Variants in SHMT1 observed in about 807,000 individuals in gnomAD.
SHMT1 encodes the protein serine hydroxymethyltransferase, cytosolic.
A neutral mutation model predicts 49.0 loss-of-function variants in SHMT1; 45 were observed. The ratio of observed to expected loss-of-function variants is 0.92; its 90% CI spans 0.72 to 1.18. The LOEUF is 1.18. Among genes scored for constraint, SHMT1 ranks in the 50% most tolerant of loss-of-function variants. The probability of loss-of-function intolerance (pLI) is 0.00; values close to 1 mark genes in which losing one functional copy is unlikely to be tolerated. For missense variants in SHMT1, 541 were observed against 612.4 expected (o/e 0.88, Z 1.23); for synonymous variants, 232 against 246.6 (o/e 0.94, Z 0.55).
intron 2 of SHMT1, among the ~76,000 whole-genome samples, chr17:18,354,184 G>A (rs186807809): frequency 2.9e-4 from 44 of 152,310 alleles, no homozygotes; most frequent in East Asian, 1.2e-3. Context: ...TTGGGAGGCC[G>A]AGATGGGCAG....
At chr17:18,356,268 T>C (rs1413940694) in intron 1 of SHMT1, among the ~76,000 whole-genome samples, 1 of 152,054 alleles carries the variant, frequency 6.6e-6, no homozygotes, top group African/African-American at 2.4e-5. Flanking sequence ...GGTCTCAATC[T>C]CCTGACCTTG....
chr17:18,355,504 C>A (rs1986158657), intron 2 of SHMT1, among the ~76,000 whole-genome samples: 2 of 152,026 alleles, frequency 1.3e-5, no homozygotes, highest in Admixed American at 1.3e-4. Flanking sequence ...CACGCCATTG[C>A]ACTCCAGCCT....
chr17:18,331,113 TC>T, intron 9 of SHMT1: 1 of 314,194 alleles, frequency 3.2e-6, no homozygotes, highest in South Asian at 2.9e-5. Context: ...GGTAGGTTTT[TC>T]CCGGATCCTG....
At position 18,353,745 on chromosome 17, in the gene SHMT1, C is replaced by T. The variant is rs763679038; in HGVS notation, c.169G>A (p.Ala57Thr). The change falls in exon 3 of 12, where the codon GCC becomes ACC. Residue 57 changes from alanine to threonine, a missense_variant. Ala to Thr is a moderately conservative substitution (Grantham distance 58). Transcript: ENST00000316694. ...AGGGCCTCCAAAACTGCTCGGCTGG[C>T]GAAATTCTCCGAGGCAATCAGCTCC... ...GLELIASENF[A>T]SRAVLEALGS... 61 of 1,613,948 alleles carry T rather than the reference C, an allele frequency of 3.8e-5. No individual in the cohort carries two copies. Among genetic ancestry groups the T allele is most frequent in the Non-Finnish European group, 4.7e-5 (56 of 1,179,998 alleles).
rs763605955 is a variant in SHMT1 at position 18,332,982 on chromosome 17, G to A, written c.1054+184C>T. 10 of 722,214 alleles carry A rather than the reference G, an allele frequency of 1.4e-5. No homozygotes were observed. The East Asian group carries it at 1.9e-4, about 14-fold the overall frequency. The allele number at this position is 722,214 out of a possible 1,614,324, so 44.7% of individuals were successfully genotyped here. ...TCATCTGTGGCTCACCCAAGGGGGCGGCTGGCTGGTCTGAGGCAGGGGGAG... is the reference window on the plus strand; with the variant it reads ...TCATCTGTGGCTCACCCAAGGGGGCAGCTGGCTGGTCTGAGGCAGGGGGAG... On this transcript the variant is annotated intron_variant, in intron 9 of 11. Coordinates refer to ENST00000316694, the MANE Select transcript of SHMT1 (RefSeq NM_004169.5).
At chr17:18,348,989 GA>G (rs137955656) in intron 3 of SHMT1, among the ~76,000 whole-genome samples, 3 of 142,932 alleles carry the variant, frequency 2.1e-5, no homozygotes, top group East Asian at 2.1e-4. Flanking sequence ...AAAAGAAAAA[GA>G]AAAAAAAAAG....
chr17:18,340,688 C>A lies in SHMT1; in HGVS notation c.601+44G>T, dbSNP rs550904983. ...TTCCATCCTCATTCTGTAAGAGGCA[C>A]CAGGCTACTGGTGAACAAGGTGACT... On this transcript the variant is annotated intron_variant, in intron 6 of 11. Transcript: ENST00000316694. This position sits in a 1 kb window ranked among gnomAD's most constrained non-coding sequence, Gnocchi z 4.5. The A allele has an allele frequency of 1.3e-6, 2 of 1,543,742 alleles. No individual in the cohort carries two copies. The highest frequency in any genetic ancestry group is 1.8e-6 in the Non-Finnish European group (2 of 1,127,730).
intron 7 of SHMT1, among the ~76,000 whole-genome samples, chr17:18,339,421 C>T (rs541328524): frequency 1.2e-4 from 19 of 152,316 alleles, no homozygotes; most frequent in Non-Finnish European, 2.6e-4. Flanking sequence ...CATTCAAACA[C>T]CTGCCTCTCG....
chr17:18,342,475 C>T (rs758299967), intron 5 of SHMT1, among the ~76,000 whole-genome samples: 3 of 152,022 alleles, frequency 2.0e-5, no homozygotes, highest in African/African-American at 4.8e-5. Context: ...CCACCACACC[C>T]GGCTAATTCT....
At chr17:18,347,286 C>G (rs908446222) in intron 5 of SHMT1, among the ~76,000 whole-genome samples, 1 of 152,226 alleles carries the variant, frequency 6.6e-6, no homozygotes, top group Non-Finnish European at 1.5e-5. Context: ...ACTGGTTTCC[C>G]TGTGGCCTCA....
intron 3 of SHMT1, chr17:18,348,646 C>T: frequency 1.5e-6 from 1 of 689,644 alleles, no homozygotes. Flanking sequence ...ACCAAACCAG[C>T]TGTGCAACTT....
intron 7 of SHMT1, among the ~76,000 whole-genome samples, chr17:18,339,049 T>TAAAAAAA (rs34704448): frequency 3.7e-4 from 10 of 26,874 alleles, no homozygotes; most frequent in East Asian, 1.3e-3. Context: ...CAATAAATAC[T>TAAAAAAA]AAAAAAAAAA....
intron 1 of SHMT1, chr17:18,360,569 A>AAAAAG (rs1421069985): frequency 6.6e-6 from 1 of 151,842 alleles, no homozygotes; most frequent in Non-Finnish European, 1.5e-5. Context: ...CAAAAAAAAA[A>AAAAAG]AAAAGAAAAG....
In SHMT1 at chr17:18,329,277, C is replaced by A. The variant is rs1264647317; in HGVS notation, c.1282+1G>T. The A allele has an allele frequency of 1.9e-6, 3 of 1,603,800 alleles. No homozygotes were observed. Among genetic ancestry groups the A allele is most frequent in the Non-Finnish European group, 1.7e-6 (2 of 1,171,240 alleles). On this transcript the variant is annotated splice_donor_variant, in intron 11 of 11. Coordinates refer to ENST00000316694, the MANE Select transcript of SHMT1 (RefSeq NM_004169.5). LOFTEE classifies it high-confidence loss of function. ...GGCAACTTCCAAACTTTTATCCTTA[C>A]CTCTGTGAATAAAGTGGGCTACTTT...
At chr17:18,329,433 C>T in intron 10 of SHMT1, 45 bp from the exon 11 acceptor site, 1 of 1,421,958 alleles carries the variant, frequency 7.0e-7, no homozygotes, top group South Asian at 1.2e-5. Context: ...ATTGTCACCA[C>T]TGTGATGGTG....
intron 3 of SHMT1, chr17:18,348,688 GT>G: frequency 1.6e-6 from 1 of 609,656 alleles, no homozygotes; most frequent in Non-Finnish European, 3.1e-6. Context: ...AAAAGAGGGG[GT>G]TTTGGCTGGG....
chr17:18,339,928 T>C (rs1984302264), intron 7 of SHMT1, 115 bp downstream of exon 7: 2 of 1,030,876 alleles, frequency 1.9e-6, no homozygotes, highest in Admixed American at 4.0e-5. Flanking sequence ...GGGATCTTAA[T>C]ATTTTCCAAG....
chr17:18,353,425 C>T (rs1985915531), intron 3 of SHMT1: 1 of 520,846 alleles, frequency 1.9e-6, no homozygotes. Context: ...TCCTTACAAA[C>T]TGGCCTGTTT....
At chr17:18,361,436 C>T (rs2151613973) in intron 1 of SHMT1, among the ~76,000 whole-genome samples, 1 of 151,402 alleles carries the variant, frequency 6.6e-6, no homozygotes, top group Admixed American at 6.6e-5. Context: ...CGAGATCATG[C>T]CACTGCACTC....
Sources: gnomAD v4.1 joint callset for allele counts (sites outside exome capture counted in the v4.1 genomes callset) on GRCh38, gnomAD v4.1.1 for gene constraint, Gnocchi (gnomAD v3.1) non-coding constraint, MANE v1.5 for transcripts, NCBI Gene and HGNC (gene_info 2026-07-23, HGNC 2026-07-21) for gene names.